Variants in OR2F1 observed in about 807,000 individuals in gnomAD.
The protein encoded by OR2F1 is olfactory receptor 2F1.
For missense variants in OR2F1, 389 were observed against 378.2 expected (o/e 1.03, Z -0.24); for synonymous variants, 146 against 155.3 (o/e 0.94, Z 0.44).
rs1264155068 is a variant in OR2F1 at position 143,964,026 on chromosome 7, T to C, written c.*3102T>C. ...ACCATCATATATTCCATCTATTAAATTTCAATTTTTATCTTTTTTATTTGA... is the reference window on the plus strand; with the variant it reads ...ACCATCATATATTCCATCTATTAAACTTCAATTTTTATCTTTTTTATTTGA... On this transcript the variant is annotated 3_prime_UTR_variant, in exon 3 of 3. Coordinates refer to ENST00000641412, the MANE Select transcript of OR2F1 (RefSeq NM_012369.3). The C allele has an allele frequency of 2.0e-5, 3 of 152,186 alleles. No homozygotes were observed. The highest frequency in any genetic ancestry group is 2.9e-5 in the Non-Finnish European group (2 of 68,024). The allele number at this position is 152,186 out of a possible 1,614,324, so 9.4% of individuals were successfully genotyped here. A position where few individuals can be genotyped will look rare whatever the true frequency, so the allele number is the denominator to read the frequency against.
chr7:143,959,582 A>G (rs2050308829), intron 2 of OR2F1, among the ~76,000 whole-genome samples: 1 of 152,146 alleles, frequency 6.6e-6, no homozygotes, highest in Non-Finnish European at 1.5e-5. Context: ...GTTTAAGGTA[A>G]TTTGTTAACT....
At chr7:143,959,513 C>T (rs1290498791) in intron 2 of OR2F1, among the ~76,000 whole-genome samples, 1 of 152,180 alleles carries the variant, frequency 6.6e-6, no homozygotes, top group Non-Finnish European at 1.5e-5. Context: ...CTTGCTTCTT[C>T]CAAATCTTTC....
chr7:143,958,034 C>T (rs762256305), intron 1 of OR2F1, among the ~76,000 whole-genome samples: 2 of 152,116 alleles, frequency 1.3e-5, no homozygotes, highest in Non-Finnish European at 2.9e-5. Flanking sequence ...GAGTCATGGG[C>T]TTGCAGGGTC....
intron 2 of OR2F1, 58 bp from the exon 3 acceptor site, chr7:143,959,890 A>G (rs2050310897): frequency 8.4e-7 from 1 of 1,188,282 alleles, no homozygotes; most frequent in East Asian, 2.4e-5. Flanking sequence ...AATGCATTCA[A>G]ACAAGTAATT....
At position 143,963,400 on chromosome 7, in the gene OR2F1, A is replaced by T. The variant is rs982376703; in HGVS notation, c.*2476A>T. 1.3e-5 allele frequency: 2 copies of T among 152,198 alleles called. No individual in the cohort carries two copies. The highest frequency in any genetic ancestry group is 2.9e-5 in the Non-Finnish European group (2 of 68,044). 9.4% of individuals were successfully genotyped at this position (152,198 alleles called of 1,614,324 possible). ...AAGTCTTGATATCTCAGGAAGCAGA[A>T]ATGCTGAGAGTGGGCATTAGGTATG... On this transcript the variant is annotated 3_prime_UTR_variant, in exon 3 of 3. Transcript: ENST00000641412.
chr7:143,962,201 T>C lies in OR2F1; in HGVS notation c.*1277T>C, dbSNP rs1352880776. 2 of 152,238 alleles carry C rather than the reference T, an allele frequency of 1.3e-5. No homozygotes were observed. The highest frequency in any genetic ancestry group is 4.8e-5 in the African/African-American group (2 of 41,460). The allele number at this position is 152,238 out of a possible 1,614,324, so 9.4% of individuals were successfully genotyped here. On this transcript the variant is annotated 3_prime_UTR_variant, in exon 3 of 3. Coordinates refer to ENST00000641412, the MANE Select transcript of OR2F1 (RefSeq NM_012369.3). ...CATTTGTCAACACATCATCATAGAA[T>C]CTAAGAGTTTTTACAGTGTTGAAGG...
rs1339419888 is a variant in OR2F1, at chr7:143,963,547, A to G, written c.*2623A>G. 1 of 152,288 alleles carries G rather than the reference A, an allele frequency of 6.6e-6. No individual in the cohort carries two copies. The highest frequency in any genetic ancestry group is 2.4e-5 in the African/African-American group (1 of 41,462). The allele number at this position is 152,288 out of a possible 1,614,324, so 9.4% of individuals were successfully genotyped here. ...TTAAGGAGTATTGACTCACACGATCAAAAGGTAAAGTACCACAATAGGCCT... is the reference window on the plus strand; with the variant it reads ...TTAAGGAGTATTGACTCACACGATCGAAAGGTAAAGTACCACAATAGGCCT... On this transcript the variant is annotated 3_prime_UTR_variant, in exon 3 of 3. Coordinates refer to ENST00000641412, the MANE Select transcript of OR2F1 (RefSeq NM_012369.3).
Position 143,963,511 on chromosome 7 carries a change from A to C in OR2F1, c.*2587A>C, listed in dbSNP as rs2050347149. 1 of 152,214 alleles carries C rather than the reference A, an allele frequency of 6.6e-6. No individual in the cohort carries two copies. Among genetic ancestry groups the C allele is most frequent in the Non-Finnish European group, 1.5e-5 (1 of 68,044 alleles). The allele number at this position is 152,214 out of a possible 1,614,324, so 9.4% of individuals were successfully genotyped here. On this transcript the variant is annotated 3_prime_UTR_variant, in exon 3 of 3. Coordinates refer to ENST00000641412, the MANE Select transcript of OR2F1 (RefSeq NM_012369.3). ...ACTAATAGGATAGATGAATATATGA[A>C]AAGGAGTTTATTAAGGAGTATTGAC...
In OR2F1 at chr7:143,959,123, G is replaced by A. The variant is rs976237926; in HGVS notation, c.-24+15G>A. 2 of 152,114 alleles carry A rather than the reference G, an allele frequency of 1.3e-5. No individual in the cohort carries two copies. The highest frequency in any genetic ancestry group is 1.3e-4 in the Admixed American group (2 of 15,256). 9.4% of individuals were successfully genotyped at this position (152,114 alleles called of 1,614,324 possible). ...TATACTCTCAGGTATGTTACAGATT[G>A]TCTCCAATTTTATTTGTATCTGAAT... On this transcript the variant is annotated intron_variant, in intron 2 of 2. Transcript: ENST00000641412.
In OR2F1 at chr7:143,960,620, C is replaced by G. The variant is rs2050320238; in HGVS notation, c.650C>G (p.Ser217Cys). 2.5e-6 allele frequency: 4 copies of G among 1,614,128 alleles called. No individual in the cohort carries two copies. In the South Asian group the frequency reaches 3.3e-5, roughly 13 times the overall value. Reference sequence around the variant, plus strand: ...ACACCCTTCTGCCTGGTTCTTTTGTCCTACATCCAGATCATCTCCACCATC... The same window carrying G: ...ACACCCTTCTGCCTGGTTCTTTTGTGCTACATCCAGATCATCTCCACCATC... ...LMTPFCLVLLSYIQIISTILK... is the reference protein window; with the variant it reads ...LMTPFCLVLLCYIQIISTILK... The change falls in exon 3 of 3, where the codon TCC (serine) becomes TGC (cysteine). Residue 217 changes from serine (S) to cysteine (C), a missense_variant. Coordinates refer to ENST00000641412, the MANE Select transcript of OR2F1 (RefSeq NM_012369.3).
rs1222927548 is a variant in OR2F1 at position 143,961,308 on chromosome 7, C to T, written c.*384C>T. 5.7e-6 allele frequency: 1 copy of T among 175,268 alleles called. No homozygotes were observed. The highest frequency in any genetic ancestry group is 5.5e-5 in the Admixed American group (1 of 18,280). 10.9% of individuals were successfully genotyped at this position (175,268 alleles called of 1,614,324 possible). A position where few individuals can be genotyped will look rare whatever the true frequency, so the allele number is the denominator to read the frequency against. ...CCACATTTTATAAAAGGTTATGGGG[C>T]TTCCATTGAAAACAAAATGCATTTT... On this transcript the variant is annotated 3_prime_UTR_variant, in exon 3 of 3. Transcript: ENST00000641412.
rs755099434 is a variant in OR2F1 at position 143,960,065 on chromosome 7, TG to T, written c.97del (p.Val33SerfsTer5). Reference protein sequence around the residue: ...DTRVSLFVLFLVMYVVTVLGN... With the variant: ...DTRVSLFVLFXVMYVVTVLGN... ...CGGGTCTCCCTGTTTGTCCTGTTCTTGGTCATGTATGTGGTGACCGTGCTGG... is the reference window on the plus strand; with the variant it reads ...CGGGTCTCCCTGTTTGTCCTGTTCTTGTCATGTATGTGGTGACCGTGCTGG... On this transcript the variant is annotated frameshift_variant, in exon 3 of 3. Coordinates refer to ENST00000641412, the MANE Select transcript of OR2F1 (RefSeq NM_012369.3). LOFTEE classifies it low-confidence loss of function (END_TRUNC). 3.7e-6 allele frequency: 6 copies of T among 1,614,066 alleles called. No individual in the cohort carries two copies. In the East Asian group the frequency reaches 8.9e-5, roughly 24 times the overall value.
intron 1 of OR2F1, among the ~76,000 whole-genome samples, chr7:143,958,382 C>T (rs139970582): frequency 1.2e-3 from 182 of 152,172 alleles, no homozygotes; most frequent in African/African-American, 4.0e-3. Context: ...GTGGGAGCAT[C>T]AGGACAGAGC....
rs371067658 is a variant in OR2F1, at chr7:143,960,375, C to G, written c.405C>G (p.Ile135Met). ...GTGATGCCCTGCGATACTCGGCCAT[C>G]ATGCATGGAGGGCTGTGTGCTAGGT... ...AVCDALRYSA[I>M]MHGGLCARLA... Residue 135 changes from isoleucine to methionine, a missense_variant, in exon 3 of 3, where the codon ATC becomes ATG. Transcript: ENST00000641412. 202 of 1,614,046 alleles carry G rather than the reference C, an allele frequency of 1.3e-4. No individual in the cohort carries two copies. Among genetic ancestry groups the G allele is most frequent in the Non-Finnish European group, 1.5e-4 (181 of 1,180,036 alleles).
intron 2 of OR2F1, among the ~76,000 whole-genome samples, 198 bp downstream of exon 2, chr7:143,959,306 GAAATAAA>G (rs1416087914): frequency 3.9e-5 from 6 of 152,026 alleles, no homozygotes; most frequent in African/African-American, 1.2e-4. Flanking sequence ...ATTATAGCTA[GAAATAAA>G]AAGACTTCCA....
chr7:143,960,331 G>T lies in OR2F1; in HGVS notation c.361G>T (p.Asp121Tyr), dbSNP rs750098471. 5 of 1,614,142 alleles carry T rather than the reference G, an allele frequency of 3.1e-6. No individual in the cohort carries two copies. In the East Asian group the frequency reaches 8.9e-5, roughly 29 times the overall value. Residue 121 changes from aspartate to tyrosine, a missense_variant, in exon 3 of 3, where the codon GAC (aspartate) becomes TAC (tyrosine). Asp to Tyr is a radical substitution (Grantham distance 160, BLOSUM62 -3). Transcript: ENST00000641412. ...TGTTCTCCTGGCGGTGATGGCCTAT[G>T]ACCGCTATGTGGCTGTGTGTGATGC... ...EFVLLAVMAY[D>Y]RYVAVCDALR...
intron 2 of OR2F1, 51 bp from the exon 3 acceptor site, chr7:143,959,897 A>C (rs2050310930): frequency 8.2e-7 from 1 of 1,220,654 alleles, no homozygotes; most frequent in Admixed American, 2.2e-5. Context: ...TCAAACAAGT[A>C]ATTCTTATAG....
chr7:143,956,097 A>G (rs767758755), intron 1 of OR2F1, among the ~76,000 whole-genome samples: 1 of 152,170 alleles, frequency 6.6e-6, no homozygotes, highest in African/African-American at 2.4e-5. Flanking sequence ...GTTGACCTCA[A>G]TGAATGTCAC....
Position 143,959,768 on chromosome 7 carries a change from C to T in OR2F1, c.-23-180C>T, listed in dbSNP as rs112777832. Among the ~76,000 whole-genome samples the T allele has an allele frequency of 6.8e-3, 1,031 of 152,232 alleles. 12 individuals carry two copies. The highest frequency in any genetic ancestry group is 0.023 in the African/African-American group (936 of 41,534). On this transcript the variant is annotated intron_variant, in intron 2 of 2. Transcript: ENST00000641412. ...GATATCAAATTGTGTCTTGTAAAGG[C>T]CATAGTTTGTCTCTCTGATGCAAAG...
Sources: gnomAD v4.1 joint callset for allele counts (sites outside exome capture counted in the v4.1 genomes callset) on GRCh38, gnomAD v4.1.1 for gene constraint, MANE v1.5 for transcripts, NCBI Gene and HGNC (gene_info 2026-07-23, HGNC 2026-07-21) for gene names.